Variants in NCOA7 observed in about 807,000 individuals in gnomAD.
NCOA7 encodes the protein nuclear receptor coactivator 7.
NCOA7 carries 45 observed loss-of-function variants against 104.3 expected under a neutral mutation model. The observed-to-expected ratio is 0.43, with a 90% CI of 0.34 to 0.55. The LOEUF is 0.55. Ranked by LOEUF, NCOA7 falls within the 20% of genes least tolerant of loss-of-function variation. The probability of loss-of-function intolerance (pLI) is 0.02; values close to 1 mark genes in which losing one functional copy is unlikely to be tolerated. For synonymous variants in NCOA7, 398 were observed against 402.3 expected, an observed-to-expected ratio of 0.99 and a Z score of 0.13; for missense variants, 1,041 against 1,119.7, an observed-to-expected ratio of 0.93 and a Z score of 1.00.
intron 10 of NCOA7, among the ~76,000 whole-genome samples, chr6:125,902,501 G>A (rs1396513774): frequency 6.7e-6 from 1 of 149,614 alleles, no homozygotes; most frequent in Non-Finnish European, 1.5e-5. Context: ...TTTTTAAAGT[G>A]GGGATGGAAG....
chr6:125,889,261 T>C lies in NCOA7; in HGVS notation c.1207T>C (p.Ser403Pro). The change falls in exon 9 of 16, where the codon TCT (serine) becomes CCT (proline). Residue 403 changes from serine (S) to proline (P), a missense_variant. By Grantham distance (74) the Ser-to-Pro change is moderately conservative. This residue lies in a region of NCOA7 where 914 missense variants were observed against 942.7 expected (regional missense o/e 0.97). Coordinates refer to ENST00000392477, the MANE Select transcript of NCOA7 (RefSeq NM_181782.5). ...TTCCGACACTTCTTCTGCATTTGAA[T>C]CTACAGCCAAAGAAAACTTTCTAGG... ...EPSDTSSAFE[S>P]TAKENFLGED... The C allele has an allele frequency of 6.2e-7, 1 of 1,614,020 alleles. No individual in the cohort carries two copies. Among genetic ancestry groups the C allele is most frequent in the Non-Finnish European group, 8.5e-7 (1 of 1,179,996 alleles).
At position 125,928,710 on chromosome 6, in the gene NCOA7, A is replaced by T; in HGVS notation, c.2768A>T (p.Asp923Val). ...RSNSCSTFNNDILSKKEDFIV... is the reference protein window; with the variant it reads ...RSNSCSTFNNVILSKKEDFIV... ...AACTCTTGCAGCACTTTCAATAATG[A>T]TATTCTTTCCAAAAAGGAAGACTTC... is the stretch of plus-strand genomic sequence containing the variant. Residue 923 changes from aspartate (D) to valine (V), a missense_variant, in exon 16 of 16, where the codon GAT becomes GTT. Around this residue, in one of 2 missense-constraint regions of NCOA7, gnomAD observed 127 missense variants for 177.0 expected, o/e 0.72. Transcript: ENST00000392477. 6.2e-7 allele frequency: 1 copy of T among 1,613,590 alleles called. No individual in the cohort carries two copies. Among genetic ancestry groups the T allele is most frequent in the Non-Finnish European group, 8.5e-7 (1 of 1,179,916 alleles).
chr6:125,864,670 G>T (rs775871351), intron 3 of NCOA7, among the ~76,000 whole-genome samples: 1 of 136,482 alleles, frequency 7.3e-6, no homozygotes, highest in Non-Finnish European at 1.5e-5. Flanking sequence ...TTGAGAATGC[G>T]CTATCTACGA....
chr6:125,827,241 G>A (rs544885211), intron 2 of NCOA7, among the ~76,000 whole-genome samples: 9 of 148,196 alleles, frequency 6.1e-5, no homozygotes, highest in African/African-American at 2.2e-4. Context: ...GCAAGAGAGG[G>A]CCAAACTCAC....
Position 125,794,671 on chromosome 6 carries a change from GAATTGCA to G in NCOA7, c.-65+3609_-65+3615del, listed in dbSNP as rs538625017. On this transcript the variant is annotated intron_variant, in intron 1 of 15. Coordinates refer to ENST00000392477, the MANE Select transcript of NCOA7 (RefSeq NM_181782.5). Reference sequence around the variant, plus strand: ...GGGTTACATTAAATGTTTTGAACAAGAATTGCAAATTTAGTACATTTGAACTTAGCCA... The same window carrying G: ...GGGTTACATTAAATGTTTTGAACAAGAATTTAGTACATTTGAACTTAGCCA... Among the ~76,000 whole-genome samples the G allele has an allele frequency of 5.9e-3, 897 of 152,274 alleles. 6 individuals carry two copies. The highest frequency in any genetic ancestry group is 0.021 in the African/African-American group (856 of 41,552).
chr6:125,880,630 A>C (rs1363833207), intron 5 of NCOA7, among the ~76,000 whole-genome samples: 5 of 151,742 alleles, frequency 3.3e-5, no homozygotes, highest in African/African-American at 9.7e-5. Context: ...TGGGTTCAAG[A>C]GATTCTCCTG....
intron 3 of NCOA7, among the ~76,000 whole-genome samples, chr6:125,871,516 T>A (rs770653397): frequency 4.6e-5 from 7 of 152,248 alleles, no homozygotes; most frequent in African/African-American, 1.7e-4. Context: ...TATAATGATA[T>A]AAAGACAATT....
chr6:125,817,872 A>G (rs957835466), intron 2 of NCOA7, among the ~76,000 whole-genome samples: 2 of 152,132 alleles, frequency 1.3e-5, no homozygotes, highest in Non-Finnish European at 2.9e-5. Context: ...TGAAAATTTT[A>G]TAGCATTATG....
At chr6:125,827,811 G>A (rs1221860273) in intron 2 of NCOA7, among the ~76,000 whole-genome samples, 1 of 152,214 alleles carries the variant, frequency 6.6e-6, no homozygotes, top group African/African-American at 2.4e-5. Context: ...TGCTTTTTTG[G>A]GAGAAATGCA....
At chr6:125,815,696 A>G (rs1273203967) in intron 2 of NCOA7, among the ~76,000 whole-genome samples, 1 of 152,196 alleles carries the variant, frequency 6.6e-6, no homozygotes, top group African/African-American at 2.4e-5. Flanking sequence ...TTAGCAACCT[A>G]CCTTGAATTT....
chr6:125,890,506 C>T (rs1784547802), intron 9 of NCOA7, 136 bp from the exon 10 acceptor site: 1 of 848,928 alleles, frequency 1.2e-6, no homozygotes, highest in Non-Finnish European at 1.7e-6. Context: ...ATTTATTAGT[C>T]CTGATACGAT....
chr6:125,820,574 G>A (rs189152740), intron 2 of NCOA7, among the ~76,000 whole-genome samples: 3 of 152,148 alleles, frequency 2.0e-5, no homozygotes, highest in Non-Finnish European at 4.4e-5. Context: ...TGTAGCTTTC[G>A]TGTTCAAGTA....
chr6:125,848,342 C>T (rs1366736446), intron 2 of NCOA7, among the ~76,000 whole-genome samples: 1 of 152,154 alleles, frequency 6.6e-6, no homozygotes, highest in East Asian at 1.9e-4. Flanking sequence ...TATGAAGACA[C>T]ATGCACATGT....
At chr6:125,803,254 C>T (rs1358409144) in intron 1 of NCOA7, among the ~76,000 whole-genome samples, 1 of 152,210 alleles carries the variant, frequency 6.6e-6, no homozygotes, top group Non-Finnish European at 1.5e-5. Context: ...TTTCTTACTT[C>T]CCATTAGCAC....
At chr6:125,810,957 A>G (rs920121063) in intron 1 of NCOA7, among the ~76,000 whole-genome samples, 1 of 152,224 alleles carries the variant, frequency 6.6e-6, no homozygotes, top group Non-Finnish European at 1.5e-5. Context: ...GCATATTTTC[A>G]TTAATATTTT....
chr6:125,926,368 A>C (rs1030878241), intron 13 of NCOA7, among the ~76,000 whole-genome samples: 1 of 152,016 alleles, frequency 6.6e-6, no homozygotes, highest in Non-Finnish European at 1.5e-5. Flanking sequence ...AAAATATTTA[A>C]AATTCTATGG....
intron 10 of NCOA7, among the ~76,000 whole-genome samples, chr6:125,893,001 C>T (rs1784740214): frequency 6.6e-6 from 1 of 152,186 alleles, no homozygotes; most frequent in Non-Finnish European, 1.5e-5. Context: ...ATGGTTAATT[C>T]TCATCCAGAC....
chr6:125,915,741 A>T (rs1787014372), intron 11 of NCOA7, among the ~76,000 whole-genome samples: 1 of 152,040 alleles, frequency 6.6e-6, no homozygotes, highest in Non-Finnish European at 1.5e-5. Context: ...GCCTTAGTTC[A>T]GAGCTCAGCA....
chr6:125,825,817 A>G (rs1248991232), intron 2 of NCOA7, among the ~76,000 whole-genome samples: 4 of 152,072 alleles, frequency 2.6e-5, no homozygotes, highest in Non-Finnish European at 4.4e-5. Context: ...ACAATAAGAG[A>G]AATTTAATTT....
Sources: allele counts gnomAD v4.1 joint callset (sites outside exome capture counted in the v4.1 genomes callset), GRCh38; gene constraint gnomAD v4.1.1; regional missense constraint gnomAD v4.1.1; transcripts MANE v1.5; gene names NCBI Gene and HGNC (gene_info 2026-07-23, HGNC 2026-07-21).